The following USP50 variants were observed in gnomAD, a reference collection of about 807,000 sequenced individuals.
USP50 encodes ubiquitin carboxyl-terminal hydrolase 50.
A neutral mutation model predicts 39.2 loss-of-function variants in USP50; 37 were observed. That is an observed-to-expected ratio of 0.94 (90% CI 0.73 to 1.24). USP50 has a LOEUF of 1.24. Ranked by LOEUF, USP50 falls within the 50% of genes most tolerant of loss-of-function variation. USP50 has a pLI of 0.00. For missense variants in USP50, 374 were observed against 398.2 expected (o/e 0.94, Z 0.52); for synonymous variants, 139 against 144.5 (o/e 0.96, Z 0.27).
At chr15:50,525,460 C>T (rs1045997632) in intron 6 of USP50, among the ~76,000 whole-genome samples, 2 of 105,646 alleles carry the variant, frequency 1.9e-5, no homozygotes, top group East Asian at 2.6e-4. Flanking sequence ...AATCATTCCA[C>T]ATTTTGTGTG....
At chr15:50,510,811 C>G (rs1337966409) in intron 6 of USP50, 1 of 151,950 alleles carries the variant, frequency 6.6e-6, no homozygotes, top group Non-Finnish European at 1.5e-5. Context: ...GAGTCTCGCT[C>G]TGTCTCCCAG....
intron 6 of USP50, chr15:50,513,723 A>G (rs146645880): frequency 1.3e-4 from 14 of 110,324 alleles, no homozygotes; most frequent in Non-Finnish European, 2.2e-4. Flanking sequence ...CCATTCTACT[A>G]TATGGGCAAC....
At chr15:50,541,381 CA>C in intron 3 of USP50, 117 bp from the exon 4 acceptor site, 1 of 786,626 alleles carries the variant, frequency 1.3e-6, no homozygotes, top group East Asian at 2.7e-5. Context: ...GGCATGGTGG[CA>C]CACATCTGTG....
intron 6 of USP50, chr15:50,513,415 G>T (rs1302592350): frequency 6.7e-6 from 1 of 150,194 alleles, no homozygotes; most frequent in Non-Finnish European, 1.5e-5. Flanking sequence ...TAATGAAAAA[G>T]TATGCTTGGC....
intron 5 of USP50, among the ~76,000 whole-genome samples, chr15:50,536,798 G>A (rs3131597): frequency 0.44 from 66,666 of 151,720 alleles, 14,876 homozygotes; most frequent in Admixed American, 0.54. Context: ...AAATCCAAGA[G>A]GAACCTAAAT....
At chr15:50,521,371 G>A (rs1389910470) in intron 6 of USP50, among the ~76,000 whole-genome samples, 1 of 152,050 alleles carries the variant, frequency 6.6e-6, no homozygotes, top group Non-Finnish European at 1.5e-5. Context: ...AGTACATATT[G>A]TATACATGTA....
intron 6 of USP50, chr15:50,513,264 G>A (rs958893517): frequency 6.6e-6 from 1 of 152,092 alleles, no homozygotes; most frequent in African/African-American, 2.4e-5. Flanking sequence ...TCTGCATAAT[G>A]TTGTTCATGC....
downstream of USP50, chr15:50,493,104 G>T (rs770868020): frequency 1.5e-6 from 1 of 678,362 alleles, no homozygotes; most frequent in Non-Finnish European, 2.6e-6. Flanking sequence ...CATCTGGTGC[G>T]CTTTTTTGCT....
intron 4 of USP50, among the ~76,000 whole-genome samples, chr15:50,540,645 A>G (rs532628249): frequency 9.7e-4 from 147 of 152,144 alleles, no homozygotes; most frequent in African/African-American, 3.4e-3. Context: ...CTTATTTGAG[A>G]CAGAGACTCA....
intron 3 of USP50, among the ~76,000 whole-genome samples, chr15:50,541,943 G>T (rs1305093590): frequency 1.3e-5 from 2 of 151,928 alleles, no homozygotes; most frequent in Non-Finnish European, 2.9e-5. Flanking sequence ...GGCCAGGCAT[G>T]GTGGCTAACA....
chr15:50,499,221 C>G, downstream of USP50: 1 of 804,574 alleles, frequency 1.2e-6, no homozygotes, highest in African/African-American at 1.8e-5. Flanking sequence ...GTGTTACTAG[C>G]ACTATATAAT....
intron 6 of USP50, among the ~76,000 whole-genome samples, chr15:50,522,651 C>T (rs2052859198): frequency 6.6e-6 from 1 of 151,994 alleles, no homozygotes; most frequent in South Asian, 2.1e-4. Flanking sequence ...AAATCAAGTT[C>T]AACATCATAT....
At chr15:50,514,752 T>C (rs1447962349) in intron 6 of USP50, among the ~76,000 whole-genome samples, 9 of 151,798 alleles carry the variant, frequency 5.9e-5, no homozygotes, top group African/African-American at 2.4e-5. Context: ...ATGGTCTCCA[T>C]CTCCTGACTT....
downstream of USP50, chr15:50,496,924 G>A (rs2052435731): frequency 1.2e-6 from 1 of 813,000 alleles, no homozygotes; most frequent in Admixed American, 3.2e-5. Context: ...TTGTTCACTT[G>A]TCTATGCTTC....
chr15:50,537,886 G>GAGGGGAGGGA (rs2052992586), intron 5 of USP50, among the ~76,000 whole-genome samples: 1 of 42,544 alleles, frequency 2.4e-5, no homozygotes, highest in Non-Finnish European at 5.2e-5. Flanking sequence ...GAGGGGAGGG[G>GAGGGGAGGGA]AGGGGAGGGG....
At chr15:50,530,595 AT>A (rs1306558516) in intron 5 of USP50, among the ~76,000 whole-genome samples, 1 of 152,136 alleles carries the variant, frequency 6.6e-6, no homozygotes, top group East Asian at 1.9e-4. Context: ...AAAATAAAAA[AT>A]AAAAAAAAAA....
At chr15:50,538,081 G>A (rs921087439) in intron 5 of USP50, among the ~76,000 whole-genome samples, 4 of 151,026 alleles carry the variant, frequency 2.6e-5, no homozygotes, top group Non-Finnish European at 4.4e-5. Context: ...TCAGACCATC[G>A]TGGCCAACAT....
chr15:50,522,621 A>G (rs1362786422), intron 6 of USP50, among the ~76,000 whole-genome samples: 1 of 152,130 alleles, frequency 6.6e-6, no homozygotes, highest in African/African-American at 2.4e-5. Context: ...AGATGCAAAA[A>G]TCCTCAACAA....
Position 50,538,803 on chromosome 15 carries a change from C to T in USP50, c.709G>A (p.Glu237Lys), listed in dbSNP as rs770384237. 13 of 1,613,530 alleles carry T rather than the reference C, an allele frequency of 8.1e-6. No homozygotes were observed. The highest frequency in any genetic ancestry group is 2.2e-5 in the East Asian group (1 of 44,882). ...FQQDALTWNN[E>K]IHCSFCETKQ... ...GTTTCACAAAAGGAGCAGTGAATTT[C>T]GTTGTTCCAGGTCAGTGCGTCTTGT... The change falls in exon 5 of 7, where the codon GAA (glutamate) becomes AAA (lysine). Residue 237 changes from glutamate to lysine, a missense_variant. Physicochemically the swap from Glu to Lys is moderately conservative, Grantham distance 56. Coordinates refer to ENST00000532404, the MANE Select transcript of USP50 (RefSeq NM_203494.5).
Sources: gnomAD v4.1 joint callset for allele counts (sites outside exome capture counted in the v4.1 genomes callset) on GRCh38, gnomAD v4.1.1 for gene constraint, MANE v1.5 for transcripts, NCBI Gene and HGNC (gene_info 2026-07-23, HGNC 2026-07-21) for gene names.